Variants in KDM3A observed in about 807,000 individuals in gnomAD.
The protein encoded by KDM3A is lysine demethylase 3A.
Under a neutral mutation model 158.0 loss-of-function variants are expected in KDM3A, and 60 were observed. The ratio of observed to expected loss-of-function variants is 0.38; its 90% CI spans 0.31 to 0.47. The LOEUF (loss-of-function observed/expected upper bound fraction) is 0.47, where lower values mean the gene tolerates loss of function less well. Ranked by LOEUF, KDM3A falls within the 20% of genes least tolerant of loss-of-function variation. The pLI, the probability that KDM3A is intolerant of heterozygous loss-of-function variation, is 0.99. For missense variants in KDM3A, 1,319 were observed against 1,574.3 expected, an observed-to-expected ratio of 0.84 and a Z score of 2.74; for synonymous variants, 608 against 549.3, an observed-to-expected ratio of 1.11 and a Z score of -1.49.
intron 1 of KDM3A, 41 bp from the exon 2 acceptor site, chr2:86,441,977 A>C: frequency 3.0e-6 from 4 of 1,342,680 alleles, no homozygotes; most frequent in Non-Finnish European, 2.0e-6. Flanking sequence ...GCCCCCTCCC[A>C]CCGGCCGCCC....
chr2:86,457,187 A>G, intron 8 of KDM3A, 116 bp downstream of exon 8: 1 of 342,208 alleles, frequency 2.9e-6, no homozygotes, highest in Non-Finnish European at 5.0e-6. Flanking sequence ...ATAGGATCTC[A>G]CTCTGTCACT....
chr2:86,453,913 G>C (rs1183114856), intron 4 of KDM3A, among the ~76,000 whole-genome samples: 8 of 152,180 alleles, frequency 5.3e-5, no homozygotes, highest in Non-Finnish European at 1.5e-5. Context: ...CTTCTGTGTT[G>C]AGCACTGTTT....
Position 86,492,021 on chromosome 2 carries a change from T to G in KDM3A, c.3886-18T>G. 1.9e-6 allele frequency: 3 copies of G among 1,565,768 alleles called. No individual in the cohort carries two copies. Among genetic ancestry groups the G allele is most frequent in the Non-Finnish European group, 2.6e-6 (3 of 1,138,580 alleles). ...GATTTAAATGTAAAATGCCCATATT[T>G]TCTCCTACTATTTTTAGGTGAAGAA... On this transcript the variant is annotated intron_variant, in intron 25 of 25. Coordinates refer to ENST00000312912, the MANE Select transcript of KDM3A (RefSeq NM_018433.6).
In KDM3A at chr2:86,480,318, G is replaced by C; in HGVS notation, c.2468G>C (p.Trp823Ser). Residue 823 changes from tryptophan to serine, a missense_variant, in exon 16 of 26, where the codon TGG (tryptophan) becomes TCG (serine). This residue lies in a region of KDM3A where 368 missense variants were observed against 415.8 expected (regional missense o/e 0.89). Coordinates refer to ENST00000312912, the MANE Select transcript of KDM3A (RefSeq NM_018433.6). ...ACPASTSPLN[W>S]LADLTSGNVN... ...CCAGCCAGCACATCTCCTCTAAACT[G>C]GCTGGCCGACCTAACCAGCGGGAAT... 1 of 1,613,838 alleles carries C rather than the reference G, an allele frequency of 6.2e-7. No individual in the cohort carries two copies. The highest frequency in any genetic ancestry group is 8.5e-7 in the Non-Finnish European group (1 of 1,179,900).
chr2:86,485,520 A>G (rs1558631364), intron 20 of KDM3A, among the ~76,000 whole-genome samples: 2 of 152,216 alleles, frequency 1.3e-5, no homozygotes, highest in Non-Finnish European at 2.9e-5. Flanking sequence ...GAACGGTTAC[A>G]GCTGATTTTG....
intron 2 of KDM3A, among the ~76,000 whole-genome samples, chr2:86,445,863 A>G (rs1411325797): frequency 1.3e-5 from 2 of 152,222 alleles, no homozygotes; most frequent in Non-Finnish European, 2.9e-5. Flanking sequence ...CAAGGAATTA[A>G]TTTCTTTGTG....
At chr2:86,462,037 G>GC (rs750998987) in intron 8 of KDM3A, among the ~76,000 whole-genome samples, 1 of 152,210 alleles carries the variant, frequency 6.6e-6, no homozygotes, top group Middle Eastern at 3.4e-3. Context: ...AGGATGCAGA[G>GC]GATTCAACAA....
chr2:86,451,338 A>G, intron 4 of KDM3A, 125 bp downstream of exon 4: 1 of 552,886 alleles, frequency 1.8e-6, no homozygotes, highest in Non-Finnish European at 3.1e-6. Flanking sequence ...TGCACAGTAA[A>G]ACATCTACAT....
At chr2:86,469,214 G>A (rs1023007529) in intron 10 of KDM3A, among the ~76,000 whole-genome samples, 1 of 152,126 alleles carries the variant, frequency 6.6e-6, no homozygotes, top group African/African-American at 2.4e-5. Context: ...AATTATTGAA[G>A]ATGTTTACTT....
At chr2:86,453,390 A>G (rs988658670) in intron 4 of KDM3A, among the ~76,000 whole-genome samples, 2 of 152,190 alleles carry the variant, frequency 1.3e-5, no homozygotes, top group African/African-American at 4.8e-5. Flanking sequence ...TACTTGCTCT[A>G]GATAATGCAC....
rs889167721 is a variant in KDM3A, at chr2:86,466,705, G to A, written c.1341G>A (p.Ser447=). The A allele has an allele frequency of 4.6e-5, 74 of 1,613,722 alleles. No homozygotes were observed. The highest frequency in any genetic ancestry group is 5.9e-5 in the Non-Finnish European group (70 of 1,179,844). Residue 447 remains serine (S), a synonymous_variant, in exon 10 of 26, where the codon TCG becomes TCA. Coordinates refer to ENST00000312912, the MANE Select transcript of KDM3A (RefSeq NM_018433.6). ...ACCTAGAACATGCACCTTCCCCATC[G>A]GATGTTTCAAATGCACCAGAAGTGA... ...QKHLEHAPSP[S]DVSNAPEVKA...
intron 8 of KDM3A, among the ~76,000 whole-genome samples, chr2:86,458,590 A>G (rs962035724): frequency 1.3e-5 from 2 of 152,174 alleles, no homozygotes; most frequent in African/African-American, 2.4e-5. Context: ...TGAGGGAGAC[A>G]GACTTCCAGA....
At position 86,448,215 on chromosome 2, in the gene KDM3A, G is replaced by A. The variant is rs201670612; in HGVS notation, c.187-1592G>A. On this transcript the variant is annotated intron_variant, in intron 2 of 25. Transcript: ENST00000312912. Reference sequence around the variant, plus strand: ...TAAAGTCGCCTGGGAGGTTAGGGATGCATGTTTTGTTGGCTGAGAAGGGTA... The same window carrying A: ...TAAAGTCGCCTGGGAGGTTAGGGATACATGTTTTGTTGGCTGAGAAGGGTA... Among the ~76,000 whole-genome samples, 311 of 152,340 alleles carry A rather than the reference G, an allele frequency of 2.0e-3. 1 individual carries two copies. Among genetic ancestry groups the A allele is most frequent in the African/African-American group, 7.1e-3 (294 of 41,570 alleles).
At chr2:86,442,623 T>G (rs559697956) in intron 2 of KDM3A, 1 of 160,584 alleles carries the variant, frequency 6.2e-6, no homozygotes, top group East Asian at 1.8e-4. Flanking sequence ...TTTCAGCTGG[T>G]TTTGTTTGTT....
chr2:86,468,782 A>G (rs1673271358), intron 10 of KDM3A, among the ~76,000 whole-genome samples: 1 of 152,126 alleles, frequency 6.6e-6, no homozygotes, highest in Non-Finnish European at 1.5e-5. Flanking sequence ...GTTCAGATAG[A>G]TACGTGGCTC....
At chr2:86,489,483 C>T (rs889235478) in intron 22 of KDM3A, 37 bp from the exon 23 acceptor site, 2 of 1,611,772 alleles carry the variant, frequency 1.2e-6, no homozygotes, top group African/African-American at 2.7e-5. Context: ...TGAGCCAGGG[C>T]TTGTGGTCTG....
At chr2:86,468,060 AATTT>A (rs1558618507) in intron 10 of KDM3A, among the ~76,000 whole-genome samples, 1 of 152,156 alleles carries the variant, frequency 6.6e-6, no homozygotes, top group East Asian at 1.9e-4. Flanking sequence ...CTACGAAAAC[AATTT>A]ATTTATTTGG....
At chr2:86,481,209 G>A (rs1673911517) in intron 16 of KDM3A, among the ~76,000 whole-genome samples, 2 of 152,104 alleles carry the variant, frequency 1.3e-5, no homozygotes, top group Non-Finnish European at 2.9e-5. Context: ...AAACAAGACT[G>A]GAGACATCAT....
chr2:86,489,555 G>T lies in KDM3A; in HGVS notation c.3469G>T (p.Glu1157Ter), dbSNP rs747738640. 6.2e-7 allele frequency: 1 copy of T among 1,613,700 alleles called. No homozygotes were observed. Among genetic ancestry groups the T allele is most frequent in the Non-Finnish European group, 8.5e-7 (1 of 1,179,910 alleles). ...GACCATCCAAGATGGAGATTCTGAC[G>T]AACTCACAATAAAGCGATTTATTGA... ...LKTIQDGDSD[E>*]LTIKRFIEGK... The change falls in exon 23 of 26, where the codon GAA becomes TAA. Residue 1157 changes from glutamate to a stop codon, truncating the protein, a stop_gained. Coordinates refer to ENST00000312912, the MANE Select transcript of KDM3A (RefSeq NM_018433.6). LOFTEE classifies it high-confidence loss of function.
Sources: gnomAD v4.1 joint callset for allele counts (sites outside exome capture counted in the v4.1 genomes callset) on GRCh38, gnomAD v4.1.1 for gene constraint, gnomAD v4.1.1 regional missense constraint, MANE v1.5 for transcripts, NCBI Gene and HGNC (gene_info 2026-07-23, HGNC 2026-07-21) for gene names.